The following RGS6 variants were observed in gnomAD, a reference collection of about 807,000 sequenced individuals.
The protein encoded by RGS6 is regulator of G-protein signaling 6.
RGS6 carries 30 observed loss-of-function variants against 78.5 expected under a neutral mutation model. That is an observed-to-expected ratio of 0.38 (90% CI 0.29 to 0.52). The LOEUF (loss-of-function observed/expected upper bound fraction) is 0.52. Among genes scored for constraint, RGS6 ranks in the 20% least tolerant of loss-of-function variants. The probability of loss-of-function intolerance (pLI) is 0.85; values close to 1 mark genes in which losing one functional copy is unlikely to be tolerated. For synonymous variants in RGS6, 206 were observed against 206.0 expected, an observed-to-expected ratio of 1.00 and a Z score of 0.00; for missense variants, 495 against 609.7, an observed-to-expected ratio of 0.81 and a Z score of 1.98.
chr14:72,169,552 G>A (rs1000834288), intron 2 of RGS6, among the ~76,000 whole-genome samples: 9 of 152,198 alleles, frequency 5.9e-5, no homozygotes, highest in African/African-American at 2.2e-4. Context: ...AATCTGATCT[G>A]AGCTTACAAG....
At chr14:72,017,337 A>G (rs1348027284) in intron 2 of RGS6, among the ~76,000 whole-genome samples, 1 of 152,222 alleles carries the variant, frequency 6.6e-6, no homozygotes, top group East Asian at 1.9e-4. Flanking sequence ...CATGGTTTAG[A>G]TACTCATACA....
intron 2 of RGS6, among the ~76,000 whole-genome samples, chr14:72,064,444 G>A (rs1437518271): frequency 1.3e-5 from 2 of 152,178 alleles, no homozygotes; most frequent in Non-Finnish European, 2.9e-5. Context: ...CATGGTTGGG[G>A]AAAAATGTAT....
At chr14:72,147,323 AT>A (rs1167102452) in intron 2 of RGS6, among the ~76,000 whole-genome samples, 1 of 152,138 alleles carries the variant, frequency 6.6e-6, no homozygotes, top group Non-Finnish European at 1.5e-5. Flanking sequence ...GTCTTAGTTT[AT>A]TTTGTGCTGT....
intron 2 of RGS6, among the ~76,000 whole-genome samples, chr14:72,259,067 A>G (rs1227938905): frequency 1.3e-5 from 2 of 152,164 alleles, no homozygotes; most frequent in African/African-American, 2.4e-5. Flanking sequence ...GGGGTCTGCA[A>G]AAGAGGACAT....
At chr14:72,387,702 T>C (rs761623624) in intron 3 of RGS6, among the ~76,000 whole-genome samples, 2 of 152,190 alleles carry the variant, frequency 1.3e-5, no homozygotes, top group Non-Finnish European at 2.9e-5. Flanking sequence ...TGAGTATAAG[T>C]CTTCACAGTG....
At chr14:72,575,367 C>G in the RGS6 span, among the ~76,000 whole-genome samples, 11 of 152,104 alleles carry the variant, frequency 7.2e-5, no homozygotes, top group African/African-American at 2.4e-4. Flanking sequence ...ACCCTTGAAG[C>G]TGGGGACAGG....
chr14:71,987,650 G>A (rs1001262836), intron 2 of RGS6, among the ~76,000 whole-genome samples: 1 of 151,922 alleles, frequency 6.6e-6, no homozygotes, highest in Admixed American at 6.5e-5. Context: ...CCTTCCCATA[G>A]CTGGGACTAC....
chr14:72,550,502 A>G (rs758587497), intron 17 of RGS6: 9 of 1,535,616 alleles, frequency 5.9e-6, no homozygotes, highest in East Asian at 2.4e-5. Flanking sequence ...CCTTAACATC[A>G]TAGCACATTA....
chr14:72,499,136 C>T (rs991736328), intron 13 of RGS6, among the ~76,000 whole-genome samples: 2 of 152,122 alleles, frequency 1.3e-5, no homozygotes, highest in African/African-American at 4.8e-5. Flanking sequence ...CCCAACAAGT[C>T]GACTCTTCTC....
intron 2 of RGS6, among the ~76,000 whole-genome samples, chr14:72,000,110 G>C (rs547833963): frequency 6.6e-6 from 1 of 152,166 alleles, no homozygotes; most frequent in Non-Finnish European, 1.5e-5. Flanking sequence ...GATAGTCTTC[G>C]AGCAGGGTTG....
downstream of RGS6, among the ~76,000 whole-genome samples, chr14:72,567,300 T>A (rs962437555): frequency 6.6e-6 from 1 of 152,142 alleles, no homozygotes; most frequent in East Asian, 1.9e-4. Flanking sequence ...CCATAACATG[T>A]CCCACCTCAC....
chr14:72,441,935 T>C (rs946910240), intron 3 of RGS6, among the ~76,000 whole-genome samples: 1 of 152,142 alleles, frequency 6.6e-6, no homozygotes, highest in African/African-American at 2.4e-5. Flanking sequence ...GTGCACCAGC[T>C]ACCCGAGGCA....
intron 2 of RGS6, among the ~76,000 whole-genome samples, chr14:72,065,926 C>T (rs1206742821): frequency 6.6e-6 from 1 of 151,038 alleles, no homozygotes; most frequent in Non-Finnish European, 1.5e-5. Flanking sequence ...TCCCCCCCTC[C>T]CCCCAGCCCA....
chr14:72,202,752 A>C (rs747508727), intron 2 of RGS6, among the ~76,000 whole-genome samples: 2 of 151,988 alleles, frequency 1.3e-5, no homozygotes, highest in Non-Finnish European at 2.9e-5. Context: ...GAGGGCAGGC[A>C]CGTGTTAAAA....
chr14:72,390,697 G>A (rs1320924118), intron 3 of RGS6, among the ~76,000 whole-genome samples: 3 of 152,258 alleles, frequency 2.0e-5, no homozygotes, highest in Admixed American at 2.0e-4. Context: ...GCCAGAAAGG[G>A]TAAACCTTAG....
At chr14:72,165,397 T>C (rs1324910592) in intron 2 of RGS6, among the ~76,000 whole-genome samples, 2 of 152,162 alleles carry the variant, frequency 1.3e-5, no homozygotes, top group Non-Finnish European at 2.9e-5. Flanking sequence ...GCAGAGTTAG[T>C]TTCCTAAGTG....
At chr14:72,193,079 G>A (rs1314062409) in intron 2 of RGS6, among the ~76,000 whole-genome samples, 2 of 149,180 alleles carry the variant, frequency 1.3e-5, no homozygotes, top group East Asian at 2.0e-4. Flanking sequence ...TGCAACCTCC[G>A]CCTCCTGAGT....
At chr14:72,465,960 T>TC in intron 7 of RGS6, 138 bp downstream of exon 7, 1 of 616,278 alleles carries the variant, frequency 1.6e-6, no homozygotes, top group African/African-American at 1.9e-5. Context: ...CTTCTATTTC[T>TC]CCTCCCTTGT....
At chr14:72,038,506 A>G (rs879653936) in intron 2 of RGS6, among the ~76,000 whole-genome samples, 13 of 152,170 alleles carry the variant, frequency 8.5e-5, no homozygotes, top group Non-Finnish European at 1.3e-4. Flanking sequence ...TCACAATACT[A>G]TCTTCCAATT....
Sources: allele counts gnomAD v4.1 joint callset (sites outside exome capture counted in the v4.1 genomes callset), GRCh38; gene constraint gnomAD v4.1.1; transcripts MANE v1.5; gene names NCBI Gene and HGNC (gene_info 2026-07-23, HGNC 2026-07-21).